The following MBNL2 variants were observed in gnomAD, a reference collection of about 807,000 sequenced individuals.
MBNL2 encodes the protein muscleblind-like protein 2.
Under a neutral mutation model 41.9 loss-of-function variants are expected in MBNL2, and 17 were observed. The ratio of observed to expected loss-of-function variants is 0.41; its 90% CI spans 0.28 to 0.61. MBNL2 has a LOEUF of 0.61. MBNL2 is among the 20% of genes least tolerant of loss of function. The pLI is 0.35. For synonymous variants in MBNL2, 195 were observed against 182.9 expected, an observed-to-expected ratio of 1.07 and a Z score of -0.53; for missense variants, 336 against 505.6, an observed-to-expected ratio of 0.66 and a Z score of 3.22.
Position 97,321,750 on chromosome 13 carries a change from G to T in MBNL2, c.175-12526G>T, listed in dbSNP as rs531388570. ...ATGCTTTTTAAGGTGTGATATAGAA[G>T]TTCCATCGTGAGTTTCTTAAAAGCA... On this transcript the variant is annotated intron_variant, in intron 2 of 8. Coordinates refer to ENST00000679496, the MANE Select transcript of MBNL2 (RefSeq NM_001382683.1). Among the ~76,000 whole-genome samples, 10 of 152,282 alleles carry T rather than the reference G, an allele frequency of 6.6e-5. No homozygotes were observed. The South Asian group carries it at 2.1e-3, about 32-fold the overall frequency.
At chr13:97,159,194 T>C in the MBNL2 span, among the ~76,000 whole-genome samples, 12 of 151,976 alleles carry the variant, frequency 7.9e-5, no homozygotes, top group African/African-American at 2.9e-4. Context: ...TTAAAGTCTG[T>C]TTTATCAGAG....
chr13:97,383,903 ATT>A (rs201404646), intron 8 of MBNL2, among the ~76,000 whole-genome samples: 2 of 145,584 alleles, frequency 1.4e-5, no homozygotes, highest in Non-Finnish European at 3.0e-5. Context: ...TATATAATTA[ATT>A]TTTTTTTTTT....
chr13:97,347,327 G>A (rs958159819), intron 5 of MBNL2, among the ~76,000 whole-genome samples: 31 of 152,186 alleles, frequency 2.0e-4, no homozygotes, highest in Admixed American at 7.2e-4. Flanking sequence ...CCCTCCTAGG[G>A]TGGCGGAGAT....
chr13:97,205,101 G>T, the MBNL2 span, among the ~76,000 whole-genome samples: 1 of 150,756 alleles, frequency 6.6e-6, no homozygotes, highest in African/African-American at 2.4e-5. Context: ...AACCCGGGAG[G>T]TGGAGGTTGC....
chr13:97,156,550 T>C, the MBNL2 span, among the ~76,000 whole-genome samples: 46 of 138,956 alleles, frequency 3.3e-4, no homozygotes, highest in Admixed American at 8.1e-4. Flanking sequence ...AAGTCTTTAA[T>C]CCATCTTGAA....
intron 8 of MBNL2, among the ~76,000 whole-genome samples, chr13:97,374,240 C>T (rs1030036939): frequency 2.6e-5 from 4 of 151,722 alleles, no homozygotes; most frequent in South Asian, 2.1e-4. Flanking sequence ...CTCCGCCTCC[C>T]GGGTTCACGC....
Position 97,366,037 on chromosome 13 carries a change from G to A in MBNL2, c.1048+866G>A, listed in dbSNP as rs1402766408. Among the ~76,000 whole-genome samples the A allele has an allele frequency of 1.3e-5, 2 of 152,060 alleles. No individual in the cohort carries two copies. The highest frequency in any genetic ancestry group is 3.9e-4 in the East Asian group (2 of 5,182). ...ATCCCAAATTAGGTCTCCATATGGA[G>A]ACTTGGATGTCTCAGAGTTTATGAT... On this transcript the variant is annotated intron_variant, in intron 8 of 8. Coordinates refer to ENST00000679496, the MANE Select transcript of MBNL2 (RefSeq NM_001382683.1). This position sits in a 1 kb window ranked among gnomAD's most constrained non-coding sequence, Gnocchi z 4.7.
intron 2 of MBNL2, among the ~76,000 whole-genome samples, chr13:97,284,034 C>A (rs1160764980): frequency 6.6e-6 from 1 of 152,152 alleles, no homozygotes; most frequent in East Asian, 1.9e-4. Flanking sequence ...CAGCAAGATG[C>A]CTACATTCTA....
At chr13:97,298,029 C>T (rs2057242551) in intron 2 of MBNL2, among the ~76,000 whole-genome samples, 1 of 152,082 alleles carries the variant, frequency 6.6e-6, no homozygotes, top group Admixed American at 6.5e-5. Context: ...CTGCCATTTA[C>T]TGAGTGTATA....
chr13:97,278,279 C>CAAAAAAA (rs2052613865), intron 2 of MBNL2, among the ~76,000 whole-genome samples: 4 of 106,540 alleles, frequency 3.8e-5, no homozygotes, highest in African/African-American at 1.7e-4. Flanking sequence ...AAAAAAAAAG[C>CAAAAAAA]AGTGTAGATT....
intron 2 of MBNL2, among the ~76,000 whole-genome samples, chr13:97,292,993 G>A (rs1008396300): frequency 1.3e-5 from 2 of 151,810 alleles, no homozygotes; most frequent in African/African-American, 4.8e-5. Context: ...TGAAGAACCT[G>A]TTCTTGATCT....
rs191400067 is a variant in MBNL2 at position 97,386,095 on chromosome 13, T to G, written c.1049-5227T>G. On this transcript the variant is annotated intron_variant, in intron 8 of 8. Coordinates refer to ENST00000679496, the MANE Select transcript of MBNL2 (RefSeq NM_001382683.1). Reference sequence around the variant, plus strand: ...TCTTTTTAGGTAGAGGGTGCCTTGTTGGTCACATACTCTCTTTCTTTGGGC... The same window carrying G: ...TCTTTTTAGGTAGAGGGTGCCTTGTGGGTCACATACTCTCTTTCTTTGGGC... 2.0e-5 allele frequency among the ~76,000 whole-genome samples: 3 copies of G among 152,342 alleles called. No individual in the cohort carries two copies. The East Asian group carries it at 5.8e-4, about 29-fold the overall frequency.
At chr13:97,310,152 T>C (rs1184568920) in intron 2 of MBNL2, among the ~76,000 whole-genome samples, 2 of 152,154 alleles carry the variant, frequency 1.3e-5, no homozygotes, top group Non-Finnish European at 2.9e-5. Flanking sequence ...AGGGTTCTGA[T>C]TGGGCTTGCA....
chr13:97,161,395 T>C, the MBNL2 span, among the ~76,000 whole-genome samples: 3 of 152,138 alleles, frequency 2.0e-5, no homozygotes, highest in African/African-American at 4.8e-5. Context: ...AGTCTTTGAG[T>C]AGTTTCCATG....
chr13:97,325,256 TA>T (rs1450157012), intron 2 of MBNL2, among the ~76,000 whole-genome samples: 1 of 152,230 alleles, frequency 6.6e-6, no homozygotes, highest in Non-Finnish European at 1.5e-5. Flanking sequence ...GGGCTATTTT[TA>T]GTCTCACTGA....
At chr13:97,176,477 A>T in the MBNL2 span, among the ~76,000 whole-genome samples, 1 of 152,144 alleles carries the variant, frequency 6.6e-6, no homozygotes, top group African/African-American at 2.4e-5. Flanking sequence ...AGAGGGAGGC[A>T]TAAAAGATGG....
the MBNL2 span, among the ~76,000 whole-genome samples, chr13:97,196,222 A>C: frequency 6.6e-6 from 1 of 152,204 alleles, no homozygotes; most frequent in African/African-American, 2.4e-5. Flanking sequence ...TAGGAAATGC[A>C]CATCTTTGCA....
At chr13:97,198,728 G>A in the MBNL2 span, among the ~76,000 whole-genome samples, 1 of 151,832 alleles carries the variant, frequency 6.6e-6, no homozygotes, top group Non-Finnish European at 1.5e-5. Flanking sequence ...ACCATCATTG[G>A]CTTCTCTCTC....
At chr13:97,211,247 G>A in the MBNL2 span, among the ~76,000 whole-genome samples, 9 of 152,148 alleles carry the variant, frequency 5.9e-5, no homozygotes, top group Non-Finnish European at 1.3e-4. Flanking sequence ...CACCATAATC[G>A]TCTCAGGATT....
Sources: allele counts gnomAD v4.1 joint callset (sites outside exome capture counted in the v4.1 genomes callset), GRCh38; gene constraint gnomAD v4.1.1; non-coding constraint Gnocchi (gnomAD v3.1); transcripts MANE v1.5; gene names NCBI Gene and HGNC (gene_info 2026-07-23, HGNC 2026-07-21).